MAPK4: variants seen among roughly 807,000 people sequenced by gnomAD.
MAPK4 encodes the protein mitogen-activated protein kinase 4.
A neutral mutation model predicts 47.7 loss-of-function variants in MAPK4; 22 were observed. The ratio of observed to expected loss-of-function variants is 0.46; its 90% confidence interval spans 0.33 to 0.66. The LOEUF (loss-of-function observed/expected upper bound fraction) is 0.66, where lower values mean the gene tolerates loss of function less well. Ranked by LOEUF, MAPK4 falls within the 30% of genes least tolerant of loss-of-function variation. The pLI is 0.02. For missense variants in MAPK4, 736 were observed against 831.7 expected (o/e 0.88, Z 1.42); for synonymous variants, 390 against 365.7 (o/e 1.07, Z -0.76).
intron 1 of MAPK4, among the ~76,000 whole-genome samples, chr18:50,590,210 C>T (rs565903247): frequency 6.6e-6 from 1 of 152,308 alleles, no homozygotes; most frequent in African/African-American, 2.4e-5. Flanking sequence ...GGGAATAAAG[C>T]CTCTGTCAGT....
At chr18:50,719,599 A>G (rs1246506261) in intron 3 of MAPK4, among the ~76,000 whole-genome samples, 1 of 152,016 alleles carries the variant, frequency 6.6e-6, no homozygotes, top group African/African-American at 2.4e-5. Context: ...TGCCCCCACG[A>G]TCTGGGTCAT....
intron 1 of MAPK4, among the ~76,000 whole-genome samples, chr18:50,585,147 C>T: frequency 6.6e-6 from 1 of 152,154 alleles, no homozygotes; most frequent in Admixed American, 6.5e-5. Flanking sequence ...AATAAAGATG[C>T]TTGGGTGTCA....
intron 2 of MAPK4, among the ~76,000 whole-genome samples, chr18:50,690,023 G>C (rs1394625891): frequency 2.0e-5 from 3 of 152,160 alleles, no homozygotes; most frequent in African/African-American, 7.2e-5. Context: ...CAGGACTCCA[G>C]GTTCCCATCT....
At chr18:50,587,728 G>C (rs915084117) in intron 1 of MAPK4, among the ~76,000 whole-genome samples, 2 of 152,032 alleles carry the variant, frequency 1.3e-5, no homozygotes, top group African/African-American at 4.8e-5. Context: ...CGATGATGTT[G>C]TTTCTTTCTT....
chr18:50,707,569 CAAAAAAA>C (rs11419022), intron 2 of MAPK4, among the ~76,000 whole-genome samples: 8 of 72,522 alleles, frequency 1.1e-4, no homozygotes, highest in African/African-American at 2.4e-4. Context: ...GCCTCTGTCT[CAAAAAAA>C]AAAAAAAAAA....
At chr18:50,642,413 G>T (rs2042948637) in intron 1 of MAPK4, among the ~76,000 whole-genome samples, 2 of 152,124 alleles carry the variant, frequency 1.3e-5, no homozygotes, top group African/African-American at 4.8e-5. Flanking sequence ...TTCATATTTG[G>T]TTTAGAAAAA....
rs1908425998 is a variant in MAPK4, at chr18:50,678,900, A to G, written c.546+14396A>G. ...ACACGGCCAGCAGGTTTTCTGGGGT[A>G]TGGGAGACTTGAGGGTATGGTCATG... is the stretch of plus-strand genomic sequence containing the variant. On this transcript the variant is annotated intron_variant, in intron 2 of 5. Transcript: ENST00000400384. The surrounding 1 kb of genome is among the most constrained non-coding windows in gnomAD (Gnocchi z 4.2). Among the ~76,000 whole-genome samples the G allele has an allele frequency of 6.6e-6, 1 of 152,056 alleles. No individual in the cohort carries two copies. The highest frequency in any genetic ancestry group is 1.5e-5 in the Non-Finnish European group (1 of 68,008).
chr18:50,723,812 C>T (rs897642061), intron 4 of MAPK4, among the ~76,000 whole-genome samples: 4 of 150,366 alleles, frequency 2.7e-5, no homozygotes, highest in African/African-American at 9.8e-5. Flanking sequence ...TGCAGTGAGC[C>T]GTATTCCCAT....
intron 1 of MAPK4, among the ~76,000 whole-genome samples, chr18:50,584,390 C>T (rs79851956): frequency 0.016 from 2,472 of 152,088 alleles, 67 homozygotes; most frequent in African/African-American, 0.056. Context: ...GGATGAACTG[C>T]GGAACTAAGC....
At chr18:50,594,498 A>C (rs1206417461) in intron 1 of MAPK4, among the ~76,000 whole-genome samples, 1 of 152,236 alleles carries the variant, frequency 6.6e-6, no homozygotes, top group African/African-American at 2.4e-5. Flanking sequence ...TTGATTCGAC[A>C]GGAAAGGCCT....
intron 2 of MAPK4, among the ~76,000 whole-genome samples, chr18:50,712,768 G>A (rs1473760225): frequency 6.6e-6 from 1 of 152,160 alleles, no homozygotes; most frequent in Non-Finnish European, 1.5e-5. Context: ...AAAAGACTGT[G>A]CATTTACATA....
chr18:50,717,136 C>T (rs1164021902), intron 3 of MAPK4, among the ~76,000 whole-genome samples: 2 of 152,228 alleles, frequency 1.3e-5, no homozygotes. Context: ...CAGAGCCCCA[C>T]ATCCTCAGTT....
intron 1 of MAPK4, among the ~76,000 whole-genome samples, chr18:50,606,883 C>T (rs976097215): frequency 6.6e-6 from 1 of 152,182 alleles, no homozygotes; most frequent in African/African-American, 2.4e-5. Context: ...AGTTCACTGC[C>T]GCTGCTGTAA....
chr18:50,612,585 A>G (rs1030037989), intron 1 of MAPK4, among the ~76,000 whole-genome samples: 7 of 152,236 alleles, frequency 4.6e-5, no homozygotes, highest in African/African-American at 1.7e-4. Flanking sequence ...AAGGGATGAC[A>G]TTAGAGCAGA....
intron 4 of MAPK4, among the ~76,000 whole-genome samples, chr18:50,724,189 T>G (rs1461493571): frequency 6.6e-6 from 1 of 152,090 alleles, no homozygotes; most frequent in African/African-American, 2.4e-5. Context: ...TTTTAAAATT[T>G]TTTTTGTAGA....
chr18:50,643,743 C>A (rs1409228287), intron 1 of MAPK4, among the ~76,000 whole-genome samples: 2 of 152,110 alleles, frequency 1.3e-5, no homozygotes, highest in African/African-American at 2.4e-5. Context: ...ATGGTTTTAG[C>A]CCCTCCCACC....
intron 2 of MAPK4, among the ~76,000 whole-genome samples, chr18:50,679,877 C>T (rs1008071058): frequency 1.3e-5 from 2 of 151,958 alleles, no homozygotes; most frequent in Admixed American, 1.3e-4. Flanking sequence ...CTCCTGGTGG[C>T]CTCTCCCCGT....
At chr18:50,717,149 T>G (rs1335431390) in intron 3 of MAPK4, among the ~76,000 whole-genome samples, 1 of 152,192 alleles carries the variant, frequency 6.6e-6, no homozygotes, top group African/African-American at 2.4e-5. Context: ...CCTCAGTTCC[T>G]GGGACACTCA....
intron 1 of MAPK4, among the ~76,000 whole-genome samples, chr18:50,592,117 T>A (rs2042441545): frequency 6.6e-6 from 1 of 152,164 alleles, no homozygotes; most frequent in African/African-American, 2.4e-5. Flanking sequence ...GACTTAGGAA[T>A]GAAAGTGTTT....
Sources: allele counts gnomAD v4.1 joint callset (sites outside exome capture counted in the v4.1 genomes callset), GRCh38; gene constraint gnomAD v4.1.1; non-coding constraint Gnocchi (gnomAD v3.1); transcripts MANE v1.5; gene names NCBI Gene and HGNC (gene_info 2026-07-23, HGNC 2026-07-21).